RSRC1: variants seen among roughly 807,000 people sequenced by gnomAD.
RSRC1 encodes the protein arginine and serine rich coiled-coil 1.
In RSRC1, 39 loss-of-function variants were observed where a neutral mutation model predicts 49.1. The ratio of observed to expected loss-of-function variants is 0.79; its 90% CI spans 0.61 to 1.04. RSRC1 has a LOEUF of 1.04. Ranked by LOEUF, RSRC1 falls within the 50% of genes least tolerant of loss-of-function variation. RSRC1 has a pLI of 0.00. For synonymous variants in RSRC1, 143 were observed against 130.8 expected, an observed-to-expected ratio of 1.09 and a Z score of -0.63; for missense variants, 388 against 402.4, an observed-to-expected ratio of 0.96 and a Z score of 0.31.
chr3:158,408,188 G>A (rs370310017), intron 6 of RSRC1, among the ~76,000 whole-genome samples: 32 of 152,224 alleles, frequency 2.1e-4, no homozygotes, highest in Admixed American at 9.8e-4. Flanking sequence ...TCCTCAGCTC[G>A]TTCACTGAGC....
chr3:158,512,452 C>G (rs1169232756), intron 7 of RSRC1, among the ~76,000 whole-genome samples: 1 of 151,722 alleles, frequency 6.6e-6, no homozygotes, highest in East Asian at 1.9e-4. Flanking sequence ...TCTGAGGGCT[C>G]TGTTCTGTTC....
chr3:158,512,232 G>T (rs1382985580), intron 7 of RSRC1, among the ~76,000 whole-genome samples: 1 of 144,956 alleles, frequency 6.9e-6, no homozygotes, highest in Admixed American at 6.9e-5. Flanking sequence ...TTCTTCGAGG[G>T]TTTTTATGGT....
intron 7 of RSRC1, among the ~76,000 whole-genome samples, chr3:158,493,648 A>G (rs1739189237): frequency 6.6e-6 from 1 of 152,218 alleles, no homozygotes; most frequent in African/African-American, 2.4e-5. Context: ...TCATTCCACA[A>G]TATGGGCAGG....
intron 2 of RSRC1, 119 bp downstream of exon 2, chr3:158,122,417 A>G (rs1232329620): frequency 1.3e-6 from 1 of 756,414 alleles, no homozygotes; most frequent in Non-Finnish European, 2.0e-6. Flanking sequence ...TATATTTATG[A>G]AAGTCCCAAC....
chr3:158,477,798 T>TTATATA lies in RSRC1; in HGVS notation c.652+16819_652+16824dup, dbSNP rs67839411. 9.4e-4 allele frequency among the ~76,000 whole-genome samples: 84 copies of TTATATA among 89,750 alleles called. 1 individual carries two copies. The highest frequency in any genetic ancestry group is 6.7e-3 in the South Asian group (16 of 2,402). The allele number at this position is 89,750 out of a possible 152,430, so 58.9% of individuals were successfully genotyped here. Reference sequence around the variant, plus strand: ...TGATGGGATAGGTTGCGGGAGGGATTTATATATATATATATATATATATAT... The same window carrying TTATATA: ...TGATGGGATAGGTTGCGGGAGGGATTTATATATATATATATATATATATATATATAT... On this transcript the variant is annotated intron_variant, in intron 7 of 9. Transcript: ENST00000611884.
intron 4 of RSRC1, among the ~76,000 whole-genome samples, chr3:158,265,418 G>A (rs1413861795): frequency 2.6e-5 from 4 of 152,070 alleles, no homozygotes; most frequent in Non-Finnish European, 4.4e-5. Context: ...ATCACCTGAG[G>A]TCAGGAGTTT....
chr3:158,473,594 A>G (rs1026486673), intron 7 of RSRC1, among the ~76,000 whole-genome samples: 2 of 152,070 alleles, frequency 1.3e-5, no homozygotes, highest in Non-Finnish European at 2.9e-5. Context: ...GCACACCAAC[A>G]TGGCACATGT....
intron 7 of RSRC1, among the ~76,000 whole-genome samples, chr3:158,505,809 G>A (rs1454874547): frequency 6.6e-6 from 1 of 151,938 alleles, no homozygotes. Context: ...CAAGTAAAGG[G>A]AACAGCATTT....
intron 4 of RSRC1, among the ~76,000 whole-genome samples, chr3:158,253,914 A>C (rs1427154426): frequency 1.3e-5 from 2 of 150,620 alleles, no homozygotes; most frequent in Admixed American, 6.6e-5. Flanking sequence ...ATCCCTCCCC[A>C]CTCTCTCCAC....
chr3:158,145,453 A>G (rs1717027617), intron 3 of RSRC1, among the ~76,000 whole-genome samples: 1 of 152,050 alleles, frequency 6.6e-6, no homozygotes, highest in African/African-American at 2.4e-5. Context: ...GATATGTGGT[A>G]TTATTTCTGA....
At chr3:158,196,217 T>A (rs1161669235) in intron 3 of RSRC1, among the ~76,000 whole-genome samples, 1 of 151,970 alleles carries the variant, frequency 6.6e-6, no homozygotes, top group Non-Finnish European at 1.5e-5. Context: ...GTCCTTCACA[T>A]CCCTTGTAAG....
chr3:158,276,066 G>T, intron 4 of RSRC1: 1 of 866,986 alleles, frequency 1.2e-6, no homozygotes, highest in Non-Finnish European at 1.9e-6. Context: ...CACCAACCCA[G>T]TAAGAATTCA....
chr3:158,294,269 C>T (rs1727106897), intron 4 of RSRC1, among the ~76,000 whole-genome samples: 1 of 152,040 alleles, frequency 6.6e-6, no homozygotes, highest in African/African-American at 2.4e-5. Flanking sequence ...CTTATTAATT[C>T]ATCCTCTGTC....
chr3:158,274,882 A>C (rs189205169), intron 4 of RSRC1, among the ~76,000 whole-genome samples: 1 of 152,334 alleles, frequency 6.6e-6, no homozygotes, highest in African/African-American at 2.4e-5. Context: ...TCTGTAGCCT[A>C]TGGGAATACA....
intron 4 of RSRC1, among the ~76,000 whole-genome samples, chr3:158,204,761 T>C (rs565179734): frequency 6.6e-6 from 1 of 152,320 alleles, no homozygotes; most frequent in African/African-American, 2.4e-5. Flanking sequence ...TACATGGCTG[T>C]GGAAGAAAGC....
chr3:158,193,327 C>T (rs1231472696), intron 3 of RSRC1, among the ~76,000 whole-genome samples: 4 of 151,996 alleles, frequency 2.6e-5, no homozygotes, highest in Non-Finnish European at 2.9e-5. Context: ...TCCACCTCAT[C>T]TGGAACCACA....
intron 3 of RSRC1, among the ~76,000 whole-genome samples, chr3:158,197,316 T>A (rs887448447): frequency 7.2e-5 from 11 of 152,190 alleles, no homozygotes; most frequent in African/African-American, 2.7e-4. Context: ...TCTCTGATGG[T>A]AGTTTGTATT....
intron 6 of RSRC1, among the ~76,000 whole-genome samples, chr3:158,395,538 A>G (rs1457993729): frequency 3.3e-5 from 5 of 152,184 alleles, no homozygotes; most frequent in African/African-American, 1.2e-4. Context: ...GCACTTTTTA[A>G]AAGAAGACAT....
intron 2 of RSRC1, among the ~76,000 whole-genome samples, chr3:158,123,216 A>G (rs1715396757): frequency 2.0e-5 from 3 of 152,198 alleles, no homozygotes; most frequent in South Asian, 2.1e-4. Flanking sequence ...CATGTTGGTC[A>G]GGCTGGTCTT....
Sources: gnomAD v4.1 joint callset for allele counts (sites outside exome capture counted in the v4.1 genomes callset) on GRCh38, gnomAD v4.1.1 for gene constraint, MANE v1.5 for transcripts, NCBI Gene and HGNC (gene_info 2026-07-23, HGNC 2026-07-21) for gene names.